The following LTBP1 variants were observed in gnomAD, a reference collection of about 807,000 sequenced individuals.
The protein encoded by LTBP1 is latent transforming growth factor beta binding protein 1.
LTBP1 carries 129 observed loss-of-function variants against 207.6 expected under a neutral mutation model. That is an observed-to-expected ratio of 0.62 (90% CI 0.54 to 0.72). The LOEUF is 0.72. LTBP1 is among the 30% of genes least tolerant of loss of function. The pLI is 0.00. For missense variants in LTBP1, 2,281 were observed against 2,217.2 expected (o/e 1.03, Z -0.58); for synonymous variants, 963 against 833.7 (o/e 1.16, Z -2.67).
intron 2 of LTBP1, among the ~76,000 whole-genome samples, chr2:32,984,741 T>C (rs1572941704): frequency 6.7e-6 from 1 of 149,344 alleles, no homozygotes; most frequent in Non-Finnish European, 1.5e-5. Flanking sequence ...GCCAACATGG[T>C]GAAACCCCAT....
intron 31 of LTBP1, among the ~76,000 whole-genome samples, chr2:33,377,328 T>C (rs1188598605): frequency 6.6e-6 from 1 of 152,298 alleles, no homozygotes; most frequent in South Asian, 2.1e-4. Context: ...GAAAGCTGAT[T>C]GAAGCTACTG....
In LTBP1 at chr2:33,239,818, C is replaced by G. The variant is rs182251960; in HGVS notation, c.1877-3844C>G. Among the ~76,000 whole-genome samples the G allele has an allele frequency of 3.8e-3, 575 of 151,708 alleles. 2 individuals carry two copies. Among genetic ancestry groups the G allele is most frequent in the Non-Finnish European group, 6.2e-3 (422 of 67,940 alleles). On this transcript the variant is annotated intron_variant, in intron 9 of 33. Coordinates refer to ENST00000404816, the MANE Select transcript of LTBP1 (RefSeq NM_206943.4). ...ACTCAGGAGGCTGAGGCAGGAGAAT[C>G]GCTTGAACCTGGGAGGCGAAGGTTG...
intron 28 of LTBP1, 130 bp from the exon 29 acceptor site, chr2:33,363,260 G>C: frequency 3.4e-6 from 3 of 870,722 alleles, no homozygotes; most frequent in Admixed American, 5.5e-5. Flanking sequence ...TTATATTGCT[G>C]TTTGTGTAGG....
chr2:33,140,669 A>ATTTT (rs200209189), intron 5 of LTBP1, among the ~76,000 whole-genome samples: 2 of 141,666 alleles, frequency 1.4e-5, no homozygotes, highest in African/African-American at 2.6e-5. Flanking sequence ...TAATTAATTA[A>ATTTT]TTTTTTTTTT....
chr2:33,262,646 A>G, intron 13 of LTBP1, 76 bp from the exon 14 acceptor site: 2 of 661,946 alleles, frequency 3.0e-6, no homozygotes, highest in Non-Finnish European at 5.1e-6. Flanking sequence ...AAATAGTAAT[A>G]TGTGGGAAAC....
intron 5 of LTBP1, 84 bp from the exon 6 acceptor site, chr2:33,186,772 A>G: frequency 9.9e-7 from 1 of 1,014,306 alleles, no homozygotes; most frequent in East Asian, 2.5e-5. Context: ...AATGGGCTGT[A>G]TGTTTTGCAG....
chr2:33,120,305 C>T (rs370815621), intron 4 of LTBP1, among the ~76,000 whole-genome samples: 3 of 152,054 alleles, frequency 2.0e-5, no homozygotes, highest in African/African-American at 4.8e-5. Flanking sequence ...AGCCCAGTAC[C>T]GTAGTTATCT....
intron 24 of LTBP1, among the ~76,000 whole-genome samples, chr2:33,334,227 T>C (rs992435013): frequency 6.6e-6 from 1 of 152,116 alleles, no homozygotes; most frequent in Non-Finnish European, 1.5e-5. Context: ...GTAAGAAATA[T>C]GGAATGATCC....
intron 3 of LTBP1, among the ~76,000 whole-genome samples, chr2:33,028,741 G>T (rs548474496): frequency 8.1e-4 from 124 of 152,260 alleles, no homozygotes; most frequent in African/African-American, 2.8e-3. Flanking sequence ...TGTCATAAGG[G>T]TTTTCATTGA....
chr2:32,962,177 T>C (rs1490732959), intron 2 of LTBP1, among the ~76,000 whole-genome samples: 2 of 146,632 alleles, frequency 1.4e-5, no homozygotes, highest in Non-Finnish European at 2.9e-5. Context: ...TTACCAACAA[T>C]GTCTCTGGTA....
rs533048126 is a variant in LTBP1 at position 33,035,689 on chromosome 2, G to A, written c.863+14483G>A. On this transcript the variant is annotated intron_variant, in intron 3 of 33. Transcript: ENST00000404816. ...ACACTTGCTGTGTACTCAATTTTTT[G>A]TAGGCCGTTTGTTAGAATTGAGTTC... Among the ~76,000 whole-genome samples, 6 of 152,306 alleles carry A rather than the reference G, an allele frequency of 3.9e-5. No homozygotes were observed. The East Asian group carries it at 7.7e-4, about 20-fold the overall frequency.
intron 31 of LTBP1, among the ~76,000 whole-genome samples, chr2:33,377,380 A>G (rs1281403940): frequency 2.0e-5 from 3 of 152,210 alleles, no homozygotes; most frequent in Non-Finnish European, 4.4e-5. Context: ...GTTCAAGGCG[A>G]GAGAAGTTTG....
At chr2:33,263,255 G>C (rs761597314) in intron 14 of LTBP1, 39 bp from the exon 15 acceptor site, 2 of 1,224,108 alleles carry the variant, frequency 1.6e-6, no homozygotes, top group Non-Finnish European at 2.4e-6. Context: ...GCACATAACG[G>C]GCTTTAATTT....
chr2:33,344,847 C>T (rs1358733688), intron 25 of LTBP1, among the ~76,000 whole-genome samples: 1 of 152,112 alleles, frequency 6.6e-6, no homozygotes, highest in African/African-American at 2.4e-5. Flanking sequence ...GTTTAAATAT[C>T]AGATGTTGAA....
intron 2 of LTBP1, among the ~76,000 whole-genome samples, chr2:32,951,859 C>T (rs1431484689): frequency 2.0e-5 from 3 of 152,058 alleles, no homozygotes; most frequent in Non-Finnish European, 2.9e-5. Context: ...CCTTATTATG[C>T]GGAGATTGAA....
chr2:33,352,595 A>T (rs1386824291), intron 26 of LTBP1, among the ~76,000 whole-genome samples: 2 of 152,170 alleles, frequency 1.3e-5, no homozygotes, highest in Admixed American at 6.5e-5. Flanking sequence ...TCCCTGGGTC[A>T]GTCTTTCAGC....
rs192992146 is a variant in LTBP1 at position 33,240,790 on chromosome 2, G to A, written c.1877-2872G>A. Among the ~76,000 whole-genome samples, 277 of 151,622 alleles carry A rather than the reference G, an allele frequency of 1.8e-3. 2 individuals are homozygous for A. Among genetic ancestry groups the A allele is most frequent in the Admixed American group, 5.3e-3 (80 of 15,210 alleles). On this transcript the variant is annotated intron_variant, in intron 9 of 33. Transcript: ENST00000404816. ...CTCAGCCTCCTGAGTAGCTGGGACT[G>A]CAGGCACCTGCCACCACGCCTGGCT...
intron 15 of LTBP1, among the ~76,000 whole-genome samples, chr2:33,272,735 C>T (rs60912737): frequency 0.041 from 6,214 of 152,298 alleles, 433 homozygotes; most frequent in African/African-American, 0.13. Context: ...GCACTGTCTT[C>T]AAGCCAGTGC....
chr2:33,187,899 T>A (rs1039731016), intron 6 of LTBP1, among the ~76,000 whole-genome samples: 6 of 152,284 alleles, frequency 3.9e-5, no homozygotes, highest in African/African-American at 7.2e-5. Context: ...ACAGAAATTT[T>A]ATGAGAAATT....
Sources: allele counts gnomAD v4.1 joint callset (sites outside exome capture counted in the v4.1 genomes callset), GRCh38; gene constraint gnomAD v4.1.1; transcripts MANE v1.5; gene names NCBI Gene and HGNC (gene_info 2026-07-23, HGNC 2026-07-21).